VPS35L: variants seen among roughly 807,000 people sequenced by gnomAD.
VPS35L encodes the protein VPS35 endosomal protein-sorting factor-like.
In VPS35L, 83 loss-of-function variants were observed where a neutral mutation model predicts 133.0. The observed-to-expected ratio is 0.62, with a 90% CI of 0.52 to 0.75. The LOEUF is 0.75. Ranked by LOEUF, VPS35L falls within the 30% of genes least tolerant of loss-of-function variation. VPS35L has a pLI of 0.00. For missense variants in VPS35L, 1,083 were observed against 1,206.8 expected (o/e 0.90, Z 1.52); for synonymous variants, 423 against 449.9 (o/e 0.94, Z 0.76).
chr16:19,643,557 G>A (rs9921467), intron 22 of VPS35L, among the ~76,000 whole-genome samples: 48,334 of 151,952 alleles, frequency 0.32, 7,958 homozygotes, highest in East Asian at 0.34. Context: ...TTCTTTTAGG[G>A]ACAAAGCTGG....
In VPS35L at chr16:19,640,098, C is replaced by T. The variant is rs1418276226; in HGVS notation, c.1782C>T (p.Ile594=). 1.2e-6 allele frequency: 2 copies of T among 1,613,152 alleles called. No individual in the cohort carries two copies. The highest frequency in any genetic ancestry group is 1.7e-6 in the Non-Finnish European group (2 of 1,179,220). Residue 594 remains isoleucine, a splice_region_variant and synonymous_variant, in exon 21 of 31, where the codon ATC becomes ATT. Coordinates refer to ENST00000417362, the MANE Select transcript of VPS35L (RefSeq NM_020314.7). ...EVCKCIMDAF[I]KHQQEPTKDP... is the part of the protein sequence containing the mutation. ...GCAAATGCATCATGGACGCCTTTATCAAGTGAGTGCCACTGCGTGCAGCAG... is the reference window on the plus strand; with the variant it reads ...GCAAATGCATCATGGACGCCTTTATTAAGTGAGTGCCACTGCGTGCAGCAG...
chr16:19,610,288 G>T (rs370785519), intron 11 of VPS35L, 34 bp from the exon 12 acceptor site: 1 of 1,561,986 alleles, frequency 6.4e-7, no homozygotes. Context: ...TTCTCACGTC[G>T]AATATAATGC....
intron 27 of VPS35L, among the ~76,000 whole-genome samples, chr16:19,672,372 T>G (rs889547150): frequency 1.3e-5 from 2 of 152,262 alleles, no homozygotes; most frequent in African/African-American, 4.8e-5. Flanking sequence ...TGGATCCAGG[T>G]TCCTTTTTGG....
intron 14 of VPS35L, chr16:19,617,714 A>G (rs991960272): frequency 6.6e-6 from 1 of 152,248 alleles, no homozygotes. Context: ...AGACTGTGAT[A>G]GGCCGGGCAC....
intron 28 of VPS35L, among the ~76,000 whole-genome samples, chr16:19,685,290 G>T (rs1292584680): frequency 6.6e-6 from 1 of 152,152 alleles, no homozygotes; most frequent in Non-Finnish European, 1.5e-5. Flanking sequence ...GTAAATATTT[G>T]CAAGCATTCT....
intron 14 of VPS35L, among the ~76,000 whole-genome samples, chr16:19,625,783 C>A (rs1973241471): frequency 6.6e-6 from 1 of 152,132 alleles, no homozygotes; most frequent in Non-Finnish European, 1.5e-5. Context: ...AAGCGATTCT[C>A]CTTCCTTAGC....
At chr16:19,555,809 C>G in intron 1 of VPS35L, 63 bp downstream of exon 1, 1 of 1,523,614 alleles carries the variant, frequency 6.6e-7, no homozygotes, top group East Asian at 2.3e-5. Context: ...TGGGGTCGGC[C>G]TGGGTCTGAG....
intron 7 of VPS35L, among the ~76,000 whole-genome samples, chr16:19,583,362 C>T (rs372366992): frequency 6.6e-5 from 10 of 152,258 alleles, no homozygotes; most frequent in African/African-American, 2.4e-4. Flanking sequence ...TCTTTTGGAT[C>T]TGGCTTCTCT....
intron 27 of VPS35L, among the ~76,000 whole-genome samples, chr16:19,669,501 A>G (rs530844310): frequency 2.0e-5 from 3 of 152,190 alleles, no homozygotes; most frequent in South Asian, 2.1e-4. Flanking sequence ...GTGAGGTACT[A>G]TGTCAGCTCA....
intron 5 of VPS35L, 81 bp downstream of exon 5, chr16:19,575,203 T>G: frequency 7.7e-7 from 1 of 1,297,282 alleles, no homozygotes; most frequent in South Asian, 1.2e-5. Context: ...AAAAGTTTTA[T>G]GTGATATGAT....
At chr16:19,644,743 A>C in intron 22 of VPS35L, 143 bp from the exon 23 acceptor site, 1 of 488,622 alleles carries the variant, frequency 2.0e-6, no homozygotes, top group Non-Finnish European at 3.6e-6. Flanking sequence ...CAAAGGAAAA[A>C]TAAGCAGCCT....
chr16:19,603,573 C>T (rs1241687841), intron 9 of VPS35L, among the ~76,000 whole-genome samples: 4 of 152,114 alleles, frequency 2.6e-5, no homozygotes, highest in South Asian at 2.1e-4. Flanking sequence ...CACGCCACTG[C>T]GTCACACCTG....
Position 19,658,056 on chromosome 16 carries a change from C to G in VPS35L, c.2221+5966C>G, listed in dbSNP as rs548828924. On this transcript the variant is annotated intron_variant, in intron 26 of 30. Coordinates refer to ENST00000417362, the MANE Select transcript of VPS35L (RefSeq NM_020314.7). ...TGTCAAGGCCTGGGAAGGATGGCAG[C>G]TGCTCATGGAACCCACAGAAAAAGG... Among the ~76,000 whole-genome samples the G allele has an allele frequency of 5.9e-5, 9 of 152,268 alleles. No homozygotes were observed. In the South Asian group the frequency reaches 1.7e-3, roughly 28 times the overall value.
intron 11 of VPS35L, 96 bp from the exon 12 acceptor site, chr16:19,610,226 C>T (rs1423452160): frequency 9.5e-7 from 1 of 1,054,392 alleles, no homozygotes; most frequent in South Asian, 1.6e-5. Context: ...TCCCCCCCTC[C>T]CTGAAATTTA....
chr16:19,652,297 G>A (rs547936478), intron 26 of VPS35L: 210 of 521,168 alleles, frequency 4.0e-4, no homozygotes, highest in Admixed American at 6.3e-4. Context: ...CTGAGTAGCT[G>A]GGACTGCAGG....
intron 28 of VPS35L, among the ~76,000 whole-genome samples, chr16:19,685,015 G>A (rs935577784): frequency 3.4e-5 from 5 of 147,448 alleles, no homozygotes; most frequent in African/African-American, 1.3e-4. Flanking sequence ...TCACACCACT[G>A]AACTCCAGCC....
At chr16:19,578,781 T>C in intron 5 of VPS35L, 1 of 479,734 alleles carries the variant, frequency 2.1e-6, no homozygotes, top group South Asian at 2.2e-5. Flanking sequence ...AAACAGATGA[T>C]ACAGAGCAAA....
chr16:19,572,690 A>G (rs902167882), intron 3 of VPS35L, among the ~76,000 whole-genome samples: 1 of 150,032 alleles, frequency 6.7e-6, no homozygotes, highest in Non-Finnish European at 1.5e-5. Context: ...AATGGTCTGA[A>G]TTTTTTTTTT....
rs548684156 is a variant in VPS35L, at chr16:19,655,213, G to A, written c.2221+3123G>A. Among the ~76,000 whole-genome samples, 10 of 152,236 alleles carry A rather than the reference G, an allele frequency of 6.6e-5. No individual in the cohort carries two copies. In the South Asian group the frequency reaches 2.1e-3, roughly 32 times the overall value. ...ACTTTTCAGCTACTGCAGGAGAGTG[G>A]GAATGTGGAGTCCACTTCATGTTTA... On this transcript the variant is annotated intron_variant, in intron 26 of 30. Transcript: ENST00000417362.
Sources: allele counts gnomAD v4.1 joint callset (sites outside exome capture counted in the v4.1 genomes callset), GRCh38; gene constraint gnomAD v4.1.1; transcripts MANE v1.5; gene names NCBI Gene and HGNC (gene_info 2026-07-23, HGNC 2026-07-21).